Variants in FHIT observed in about 807,000 individuals in gnomAD.
FHIT encodes fragile histidine triad diadenosine triphosphatase.
In FHIT, 19 loss-of-function variants were observed where a neutral mutation model predicts 17.9. The observed-to-expected ratio is 1.06, with a 90% CI of 0.74 to 1.56. The LOEUF (loss-of-function observed/expected upper bound fraction) is 1.56, where lower values mean the gene tolerates loss of function less well. FHIT is among the 40% of genes most tolerant of loss of function. The probability of loss-of-function intolerance (pLI) is 0.00; values close to 1 mark genes in which losing one functional copy is unlikely to be tolerated. For synonymous variants in FHIT, 81 were observed against 69.7 expected, an observed-to-expected ratio of 1.16 and a Z score of -0.81; for missense variants, 248 against 189.2, an observed-to-expected ratio of 1.31 and a Z score of -1.82.
intron 5 of FHIT, among the ~76,000 whole-genome samples, chr3:60,327,576 G>A (rs923570468): frequency 1.3e-5 from 2 of 152,194 alleles, no homozygotes; most frequent in East Asian, 1.9e-4. Flanking sequence ...TATGGTGTGT[G>A]CTAAATATTT....
chr3:60,207,169 C>CGTGT (rs144972526), intron 5 of FHIT, among the ~76,000 whole-genome samples: 9 of 149,556 alleles, frequency 6.0e-5, no homozygotes, highest in Admixed American at 1.3e-4. Context: ...TGTCAGTGTG[C>CGTGT]GTGTGTGTGT....
At chr3:60,771,575 A>G (rs556247504) in intron 4 of FHIT, among the ~76,000 whole-genome samples, 2 of 152,314 alleles carry the variant, frequency 1.3e-5, no homozygotes, top group South Asian at 4.1e-4. Context: ...TTCCAGTTTA[A>G]GAGCACAGGG....
chr3:59,857,017 G>T (rs565338138), intron 8 of FHIT, among the ~76,000 whole-genome samples: 1 of 152,160 alleles, frequency 6.6e-6, no homozygotes, highest in Non-Finnish European at 1.5e-5. Flanking sequence ...TCACGCTAAT[G>T]TAACAATCGC....
At chr3:60,395,177 C>T (rs927947482) in intron 5 of FHIT, among the ~76,000 whole-genome samples, 6 of 152,094 alleles carry the variant, frequency 3.9e-5, no homozygotes, top group African/African-American at 1.4e-4. Context: ...GCTGGTGGTG[C>T]TTTGTGAAGC....
intron 5 of FHIT, among the ~76,000 whole-genome samples, chr3:60,284,034 GAATT>G (rs1707596759): frequency 1.3e-5 from 2 of 151,830 alleles, no homozygotes; most frequent in South Asian, 2.1e-4. Flanking sequence ...GGGTCAGTAT[GAATT>G]AATAAAAAAA....
At chr3:60,778,733 A>G (rs1400499448) in intron 4 of FHIT, among the ~76,000 whole-genome samples, 1 of 151,996 alleles carries the variant, frequency 6.6e-6, no homozygotes, top group East Asian at 1.9e-4. Context: ...ATAAGAATCC[A>G]TTTTTCTTTT....
At chr3:59,948,135 T>A (rs1019252702) in intron 7 of FHIT, among the ~76,000 whole-genome samples, 1 of 152,116 alleles carries the variant, frequency 6.6e-6, no homozygotes, top group African/African-American at 2.4e-5. Flanking sequence ...TGTGTACACA[T>A]AGGTTTCCCT....
intron 3 of FHIT, among the ~76,000 whole-genome samples, chr3:61,036,361 TG>T (rs1470329185): frequency 1.3e-5 from 2 of 150,736 alleles, no homozygotes; most frequent in Non-Finnish European, 3.0e-5. Flanking sequence ...CCTCCAACAC[TG>T]GGGATTACCA....
At chr3:61,206,846 C>G (rs150023275) in intron 1 of FHIT, among the ~76,000 whole-genome samples, 93 of 152,240 alleles carry the variant, frequency 6.1e-4, no homozygotes, top group Non-Finnish European at 1.1e-3. Context: ...ACAGAACTTC[C>G]AACACTATAT....
chr3:61,104,418 G>T (rs1210952296), intron 2 of FHIT, among the ~76,000 whole-genome samples: 1 of 152,132 alleles, frequency 6.6e-6, no homozygotes, highest in Non-Finnish European at 1.5e-5. Flanking sequence ...GGCTTGTAGG[G>T]TTTCTGCTAA....
chr3:59,789,396 C>G (rs1428370508), intron 8 of FHIT, among the ~76,000 whole-genome samples: 1 of 152,182 alleles, frequency 6.6e-6, no homozygotes, highest in African/African-American at 2.4e-5. Context: ...CTGACTAACT[C>G]ATTTAATCAT....
At chr3:60,721,398 TCA>T (rs10576295) in intron 4 of FHIT, among the ~76,000 whole-genome samples, 15,475 of 151,966 alleles carry the variant, frequency 0.1, 1,179 homozygotes, top group African/African-American at 0.2. Flanking sequence ...TTTAAGGGTT[TCA>T]CACACACACA....
At chr3:60,371,966 T>G (rs2061514938) in intron 5 of FHIT, among the ~76,000 whole-genome samples, 1 of 152,102 alleles carries the variant, frequency 6.6e-6, no homozygotes, top group Non-Finnish European at 1.5e-5. Flanking sequence ...ATGTAAAAAT[T>G]GGCACGGTCC....
intron 5 of FHIT, among the ~76,000 whole-genome samples, chr3:60,077,739 G>C (rs9814255): frequency 1.2e-4 from 8 of 68,322 alleles, no homozygotes; most frequent in Admixed American, 4.3e-4. Context: ...CATATATAGA[G>C]GGGGGGGGGA....
chr3:59,862,913 G>A (rs1015478680), intron 8 of FHIT, among the ~76,000 whole-genome samples: 2 of 152,174 alleles, frequency 1.3e-5, no homozygotes, highest in Non-Finnish European at 2.9e-5. Flanking sequence ...GGGTGACGGG[G>A]TAGGATGTGG....
chr3:61,148,797 A>C (rs542984325), intron 2 of FHIT, among the ~76,000 whole-genome samples: 1 of 152,336 alleles, frequency 6.6e-6, no homozygotes, highest in East Asian at 1.9e-4. Flanking sequence ...TTATTTTAAC[A>C]GTATATTTAA....
rs139541622 is a variant in FHIT at position 59,817,424 on chromosome 3, A to C, written c.349-65103T>G. Among the ~76,000 whole-genome samples, 35 of 152,088 alleles carry C rather than the reference A, an allele frequency of 2.3e-4. No individual in the cohort carries two copies. In the East Asian group the frequency reaches 6.6e-3, roughly 29 times the overall value. ...GGCATTGCACAGGAGGACCACTTTT[A>C]GTATGATTTCCTGTGCTGTGGCTAT... On this transcript the variant is annotated intron_variant, in intron 8 of 9. Transcript: ENST00000492590.
chr3:60,384,460 C>A (rs550556866), intron 5 of FHIT, among the ~76,000 whole-genome samples: 2 of 152,174 alleles, frequency 1.3e-5, no homozygotes, highest in South Asian at 4.2e-4. Flanking sequence ...GTATCTTTAG[C>A]CCCATGCGAG....
intron 5 of FHIT, among the ~76,000 whole-genome samples, chr3:60,256,744 A>G (rs949823679): frequency 6.6e-6 from 1 of 152,168 alleles, no homozygotes; most frequent in Non-Finnish European, 1.5e-5. Context: ...CATAATTCTA[A>G]TCATACATTT....
Sources: allele counts gnomAD v4.1 joint callset (sites outside exome capture counted in the v4.1 genomes callset), GRCh38; gene constraint gnomAD v4.1.1; transcripts MANE v1.5; gene names NCBI Gene and HGNC (gene_info 2026-07-23, HGNC 2026-07-21).